ABCA9: variants seen among roughly 807,000 people sequenced by gnomAD.
ABCA9 encodes ATP binding cassette subfamily A member 9.
In ABCA9, 183 loss-of-function variants were observed where a neutral mutation model predicts 205.3. That is an observed-to-expected ratio of 0.89 (90% CI 0.79 to 1.01). ABCA9 has a LOEUF of 1.01. ABCA9 is among the 50% of genes least tolerant of loss of function. ABCA9 has a pLI of 0.00. For synonymous variants in ABCA9, 651 were observed against 683.3 expected, an observed-to-expected ratio of 0.95 and a Z score of 0.74; for missense variants, 1,805 against 1,912.4, an observed-to-expected ratio of 0.94 and a Z score of 1.05.
At position 68,990,819 on chromosome 17, in the gene ABCA9, A is replaced by G; in HGVS notation, c.3837+18T>C. 2 of 1,596,736 alleles carry G rather than the reference A, an allele frequency of 1.3e-6. No individual in the cohort carries two copies. Among genetic ancestry groups the G allele is most frequent in the Non-Finnish European group, 1.7e-6 (2 of 1,176,024 alleles). On this transcript the variant is annotated intron_variant, in intron 29 of 38. Coordinates refer to ENST00000340001, the MANE Select transcript of ABCA9 (RefSeq NM_080283.4). ...TCAGAAAAAAAAATAGTTGACGAAG[A>G]ACATTTCTGAGTTCTACCTCATCAA...
chr17:69,024,769 T>C (rs748599095), intron 16 of ABCA9, among the ~76,000 whole-genome samples: 93 of 152,136 alleles, frequency 6.1e-4, no homozygotes, highest in Middle Eastern at 6.8e-3. Context: ...AAAATGGAGG[T>C]GATGTGATAC....
Position 69,020,476 on chromosome 17 carries a change from C to T in ABCA9, c.2512G>A (p.Gly838Ser), listed in dbSNP as rs752923262. The change falls in exon 19 of 39, where the codon GGC (glycine) becomes AGC (serine). Residue 838 changes from glycine (G) to serine (S), a missense_variant. Coordinates refer to ENST00000340001, the MANE Select transcript of ABCA9 (RefSeq NM_080283.4). Reference protein sequence around the residue: ...SFHETRKTISGVALWRQQVCA... With the variant: ...SFHETRKTISSVALWRQQVCA... ...ACCTGCTGCCTCCAGAGCGCCACGC[C>T]ACTGATTGTTTTCCTTGTTTCGTGG... The T allele has an allele frequency of 6.2e-7, 1 of 1,614,082 alleles. No homozygotes were observed. The highest frequency in any genetic ancestry group is 2.2e-5 in the East Asian group (1 of 44,882).
chr17:69,006,430 T>C (rs1295653561), intron 25 of ABCA9, among the ~76,000 whole-genome samples: 1 of 152,202 alleles, frequency 6.6e-6, no homozygotes, highest in Non-Finnish European at 1.5e-5. Flanking sequence ...AGCACATTCA[T>C]CAGTAGACTA....
intron 3 of ABCA9, 59 bp from the exon 4 acceptor site, chr17:69,045,395 T>C (rs2071678005): frequency 6.6e-7 from 1 of 1,507,844 alleles, no homozygotes; most frequent in Non-Finnish European, 8.9e-7. Context: ...CCTGGCCATA[T>C]TCAATTATGT....
chr17:68,990,772 A>G lies in ABCA9; in HGVS notation c.3837+65T>C, dbSNP rs1310124480. 5 of 1,582,960 alleles carry G rather than the reference A, an allele frequency of 3.2e-6. No homozygotes were observed. In the African/African-American group the frequency reaches 6.9e-5, roughly 22 times the overall value. On this transcript the variant is annotated intron_variant, in intron 29 of 38. Transcript: ENST00000340001. ...CAAGTGTTTTTCGAAAACTAAACTT[A>G]GAAAGTTTCTCACTTTATCTGTCAG... is the stretch of plus-strand genomic sequence containing the variant.
Position 69,016,339 on chromosome 17 carries a change from C to A in ABCA9, c.2953G>T (p.Val985Phe). ...CCATTGCTAATGACATCCAGGAGGACAGGAAAGCAATTCAGCCGTTTTGTA... is the reference window on the plus strand; with the variant it reads ...CCATTGCTAATGACATCCAGGAGGAAAGGAAAGCAATTCAGCCGTTTTGTA... ...CNTKRLNCFPVLLDVISNGLL... is the reference protein window; with the variant it reads ...CNTKRLNCFPFLLDVISNGLL... The change falls in exon 22 of 39, where the codon GTC becomes TTC. Residue 985 changes from valine (V) to phenylalanine (F), a missense_variant. Coordinates refer to ENST00000340001, the MANE Select transcript of ABCA9 (RefSeq NM_080283.4). 1 of 1,602,634 alleles carries A rather than the reference C, an allele frequency of 6.2e-7. No individual in the cohort carries two copies. Among genetic ancestry groups the A allele is most frequent in the Non-Finnish European group, 8.5e-7 (1 of 1,175,680 alleles).
chr17:68,992,372 G>T, intron 27 of ABCA9, 106 bp from the exon 28 acceptor site: 1 of 712,508 alleles, frequency 1.4e-6, no homozygotes, highest in Non-Finnish European at 2.2e-6. Context: ...CGATTTGATA[G>T]CATTCATTTT....
chr17:69,058,970 A>G (rs1466865154), intron 1 of ABCA9, among the ~76,000 whole-genome samples: 1 of 152,190 alleles, frequency 6.6e-6, no homozygotes, highest in Non-Finnish European at 1.5e-5. Context: ...GTCACGTCTT[A>G]TATGGTGCCA....
intron 6 of ABCA9, among the ~76,000 whole-genome samples, chr17:69,039,250 A>T (rs182174550): frequency 6.6e-6 from 1 of 152,296 alleles, no homozygotes; most frequent in East Asian, 1.9e-4. Flanking sequence ...GAGCCCACAT[A>T]GCCAAGACAA....
intron 37 of ABCA9, among the ~76,000 whole-genome samples, chr17:68,981,644 A>G (rs2069055419): frequency 6.6e-6 from 1 of 152,002 alleles, no homozygotes; most frequent in South Asian, 2.1e-4. Flanking sequence ...TAGGATGACC[A>G]TCCTGGCCAA....
chr17:69,069,924 A>C, the ABCA9 span, among the ~76,000 whole-genome samples: 1 of 152,092 alleles, frequency 6.6e-6, no homozygotes, highest in Non-Finnish European at 1.5e-5. Context: ...AAGAAAACTT[A>C]TAGTTTATCA....
At chr17:69,078,784 A>G in the ABCA9 span, 12 of 410,694 alleles carry the variant, frequency 2.9e-5, no homozygotes, top group Admixed American at 1.3e-4. Context: ...TATTGCCTTT[A>G]TCACAGGTTT....
chr17:69,003,308 G>A (rs1221573805), intron 25 of ABCA9, among the ~76,000 whole-genome samples: 1 of 151,528 alleles, frequency 6.6e-6, no homozygotes, highest in Non-Finnish European at 1.5e-5. Flanking sequence ...TTTAGGGCAG[G>A]CCTGGTGGTG....
At chr17:69,003,131 G>T (rs964067778) in intron 25 of ABCA9, among the ~76,000 whole-genome samples, 1 of 151,320 alleles carries the variant, frequency 6.6e-6, no homozygotes, top group African/African-American at 2.4e-5. Context: ...AAAGTTAATA[G>T]TGTTATGTGT....
chr17:69,070,138 G>T, the ABCA9 span, among the ~76,000 whole-genome samples: 2 of 151,830 alleles, frequency 1.3e-5, no homozygotes, highest in Non-Finnish European at 2.9e-5. Context: ...TTTATCACAG[G>T]TTTGGAAATG....
Position 69,021,712 on chromosome 17 carries a change from CCTTTCTTTCT to C in ABCA9, c.2401+20_2401+29del, listed in dbSNP as rs769351970. The C allele has an allele frequency of 2.2e-6, 3 of 1,364,328 alleles. No homozygotes were observed. In the South Asian group the frequency reaches 3.9e-5, roughly 18 times the overall value. The allele number at this position is 1,364,328 out of a possible 1,614,324, so 84.5% of individuals were successfully genotyped here. ...TCCTTCCTTCCTTTCTTTCTTTCTC[CCTTTCTTTCT>C]CTTTCTTATTTTTTCTTACCTGATT... On this transcript the variant is annotated intron_variant, in intron 18 of 38. Coordinates refer to ENST00000340001, the MANE Select transcript of ABCA9 (RefSeq NM_080283.4).
Position 69,058,568 on chromosome 17 carries a change from C to A in ABCA9, c.-14+2298G>T, listed in dbSNP as rs9902504. 4.5e-4 allele frequency among the ~76,000 whole-genome samples: 69 copies of A among 152,216 alleles called. 1 individual carries two copies. In the East Asian group the frequency reaches 0.011, roughly 24 times the overall value. ...TAAAGACTTACCTGAGGCCAGGTACCGTGGCTCATGCCTGTAATCCCAGCA... is the reference window on the plus strand; with the variant it reads ...TAAAGACTTACCTGAGGCCAGGTACAGTGGCTCATGCCTGTAATCCCAGCA... On this transcript the variant is annotated intron_variant, in intron 1 of 38. Coordinates refer to ENST00000340001, the MANE Select transcript of ABCA9 (RefSeq NM_080283.4).
At chr17:68,991,616 A>T (rs887534806) in intron 28 of ABCA9, among the ~76,000 whole-genome samples, 2 of 152,180 alleles carry the variant, frequency 1.3e-5, no homozygotes, top group African/African-American at 4.8e-5. Context: ...TGCTACCACA[A>T]ACATTAGACT....
chr17:68,986,152 A>C lies in ABCA9; in HGVS notation c.4208+12T>G, dbSNP rs1567915155. 6.3e-7 allele frequency: 1 copy of C among 1,592,418 alleles called. No individual in the cohort carries two copies. The highest frequency in any genetic ancestry group is 8.6e-7 in the Non-Finnish European group (1 of 1,169,074). ...CCTCCAGCAAAGGGGAGTGCCCCCC[A>C]GTCCCAGGTACCGTGTGATGGCGAT... On this transcript the variant is annotated intron_variant, in intron 32 of 38. Coordinates refer to ENST00000340001, the MANE Select transcript of ABCA9 (RefSeq NM_080283.4).
Sources: gnomAD v4.1 joint callset for allele counts (sites outside exome capture counted in the v4.1 genomes callset) on GRCh38, gnomAD v4.1.1 for gene constraint, MANE v1.5 for transcripts, NCBI Gene and HGNC (gene_info 2026-07-23, HGNC 2026-07-21) for gene names.